The following EPHB1 variants were observed in gnomAD, a reference collection of about 807,000 sequenced individuals.
EPHB1 encodes ephrin type-B receptor 1.
Under a neutral mutation model 94.4 loss-of-function variants are expected in EPHB1, and 30 were observed. The observed-to-expected ratio is 0.32, with a 90% CI of 0.24 to 0.43. EPHB1 has a LOEUF of 0.43. EPHB1 is among the 20% of genes least tolerant of loss of function. EPHB1 has a pLI of 1.00. For synonymous variants in EPHB1, 522 were observed against 489.1 expected, an observed-to-expected ratio of 1.07 and a Z score of -0.89; for missense variants, 1,055 against 1,308.3, an observed-to-expected ratio of 0.81 and a Z score of 2.99.
At chr3:134,946,421 G>A (rs553139101) in intron 2 of EPHB1, among the ~76,000 whole-genome samples, 1 of 152,266 alleles carries the variant, frequency 6.6e-6, no homozygotes, top group Non-Finnish European at 1.5e-5. Context: ...AATGGCACCA[G>A]GCCACTTTTC....
At chr3:134,872,961 G>A (rs944485297) in intron 1 of EPHB1, among the ~76,000 whole-genome samples, 4 of 152,164 alleles carry the variant, frequency 2.6e-5, no homozygotes, top group African/African-American at 9.7e-5. Context: ...AGACAGGGAC[G>A]GGGATGGACC....
intron 3 of EPHB1, among the ~76,000 whole-genome samples, chr3:135,018,706 A>G (rs1158205362): frequency 6.6e-6 from 1 of 152,144 alleles, no homozygotes; most frequent in Non-Finnish European, 1.5e-5. Context: ...TGATAGACCC[A>G]TCTGTGAGCC....
chr3:134,829,943 G>C (rs1480340215), intron 1 of EPHB1, among the ~76,000 whole-genome samples: 1 of 152,216 alleles, frequency 6.6e-6, no homozygotes, highest in Non-Finnish European at 1.5e-5. Flanking sequence ...GCCTGGAACA[G>C]ATTCTGCCTC....
At chr3:134,838,566 A>T (rs1285745694) in intron 1 of EPHB1, among the ~76,000 whole-genome samples, 4 of 152,164 alleles carry the variant, frequency 2.6e-5, no homozygotes, top group Admixed American at 1.3e-4. Flanking sequence ...TTATGCTCAA[A>T]TTTAAAACCA....
chr3:135,246,676 G>A (rs1943932325), intron 13 of EPHB1, among the ~76,000 whole-genome samples: 1 of 151,412 alleles, frequency 6.6e-6, no homozygotes, highest in African/African-American at 2.4e-5. Flanking sequence ...TGTCCTCAGA[G>A]GATAGCAGGG....
chr3:134,946,951 A>T (rs1482513302), intron 2 of EPHB1, among the ~76,000 whole-genome samples: 1 of 152,086 alleles, frequency 6.6e-6, no homozygotes, highest in Non-Finnish European at 1.5e-5. Context: ...CACAAAATGG[A>T]CTCATACAGA....
In EPHB1 at chr3:135,183,549, G is replaced by C. The variant is rs144941806; in HGVS notation, c.1882+3567G>C. ...GCCTAACAAGTCCTGCCATGCAGGG[G>C]TTATTGTCTAAAGCACACACATTCA... On this transcript the variant is annotated intron_variant, in intron 10 of 15. Transcript: ENST00000398015. Among the ~76,000 whole-genome samples the C allele has an allele frequency of 1.4e-3, 208 of 152,324 alleles. 1 individual carries two copies. Among genetic ancestry groups the C allele is most frequent in the African/African-American group, 4.4e-3 (181 of 41,570 alleles).
At chr3:134,873,147 A>T (rs574218934) in intron 1 of EPHB1, among the ~76,000 whole-genome samples, 7 of 152,344 alleles carry the variant, frequency 4.6e-5, no homozygotes, top group African/African-American at 1.7e-4. Flanking sequence ...AGAGATTGAG[A>T]GATCATGCAC....
chr3:135,250,747 C>T (rs1176038683), intron 15 of EPHB1, among the ~76,000 whole-genome samples: 3 of 152,010 alleles, frequency 2.0e-5, no homozygotes, highest in Admixed American at 1.3e-4. Context: ...TCATGGGCTC[C>T]GTGGGCTACA....
At chr3:135,117,865 A>G (rs1386421032) in intron 4 of EPHB1, among the ~76,000 whole-genome samples, 1 of 152,024 alleles carries the variant, frequency 6.6e-6, no homozygotes, top group Non-Finnish European at 1.5e-5. Context: ...GTTGGAGTGA[A>G]CTTGCATGGC....
chr3:134,803,651 T>G (rs576154492), intron 1 of EPHB1, among the ~76,000 whole-genome samples: 123 of 152,330 alleles, frequency 8.1e-4, no homozygotes, highest in African/African-American at 2.8e-3. Flanking sequence ...CCCCATATCC[T>G]TTGTATCTAA....
intron 12 of EPHB1, among the ~76,000 whole-genome samples, chr3:135,214,222 GC>G (rs1344320419): frequency 6.6e-6 from 1 of 152,068 alleles, no homozygotes; most frequent in Admixed American, 6.5e-5. Context: ...CAGGCCATTT[GC>G]CCCCTGTGCT....
At chr3:135,030,598 C>T (rs551784047) in intron 3 of EPHB1, among the ~76,000 whole-genome samples, 49 of 152,348 alleles carry the variant, frequency 3.2e-4, no homozygotes, top group Non-Finnish European at 5.1e-4. Context: ...TCTCCAGCTG[C>T]GTCCTGGGAG....
chr3:134,973,487 A>T (rs1045434222), intron 3 of EPHB1, among the ~76,000 whole-genome samples: 8 of 128,832 alleles, frequency 6.2e-5, no homozygotes, highest in Non-Finnish European at 1.1e-4. Flanking sequence ...GCTGGAGTGC[A>T]GTGGCATGAT....
At chr3:135,063,094 T>C (rs569941499) in intron 3 of EPHB1, among the ~76,000 whole-genome samples, 1 of 152,198 alleles carries the variant, frequency 6.6e-6, no homozygotes, top group African/African-American at 2.4e-5. Context: ...TGTAACCTTA[T>C]AGTATAGTTT....
rs1296467882 is a variant in EPHB1, at chr3:135,192,647, A to T, written c.1954A>T (p.Thr652Ser). 6.2e-7 allele frequency: 1 copy of T among 1,614,054 alleles called. No individual in the cohort carries two copies. The highest frequency in any genetic ancestry group is 8.5e-7 in the Non-Finnish European group (1 of 1,179,996). ...GAGGGAAATCTACGTGGCCATCAAG[A>T]CCCTGAAGGCAGGGTACTCGGAGAA... ...GKREIYVAIKTLKAGYSEKQR... is the reference protein window; with the variant it reads ...GKREIYVAIKSLKAGYSEKQR... Residue 652 changes from threonine (T) to serine (S), a missense_variant, in exon 11 of 16, where the codon ACC (threonine) becomes TCC (serine). Thr to Ser is a moderately conservative substitution (Grantham distance 58). Transcript: ENST00000398015.
intron 1 of EPHB1, among the ~76,000 whole-genome samples, chr3:134,907,417 C>T (rs2038355610): frequency 6.6e-6 from 1 of 152,142 alleles, no homozygotes; most frequent in Non-Finnish European, 1.5e-5. Flanking sequence ...CTTGGTGAAA[C>T]ATAAAGAAAA....
intron 1 of EPHB1, among the ~76,000 whole-genome samples, chr3:134,909,112 G>GCGGGGT (rs527679026): frequency 8.8e-6 from 1 of 114,266 alleles, no homozygotes. Flanking sequence ...CACAAGGTGG[G>GCGGGGT]GGCGGGGGGC....
At chr3:134,902,442 A>G (rs976909878) in intron 1 of EPHB1, among the ~76,000 whole-genome samples, 1 of 152,160 alleles carries the variant, frequency 6.6e-6, no homozygotes, top group African/African-American at 2.4e-5. Context: ...TTTTATATTT[A>G]TGTATATAGT....
Sources: gnomAD v4.1 joint callset for allele counts (sites outside exome capture counted in the v4.1 genomes callset) on GRCh38, gnomAD v4.1.1 for gene constraint, MANE v1.5 for transcripts, NCBI Gene and HGNC (gene_info 2026-07-23, HGNC 2026-07-21) for gene names.